Variants in TDRD9 observed in about 807,000 individuals in gnomAD.
TDRD9 encodes tudor domain containing 9.
A neutral mutation model predicts 172.6 loss-of-function variants in TDRD9; 124 were observed. The observed-to-expected ratio is 0.72, with a 90% CI of 0.62 to 0.83. The LOEUF is 0.83. Among genes scored for constraint, TDRD9 ranks in the 40% least tolerant of loss-of-function variants. TDRD9 has a pLI of 0.00. For missense variants in TDRD9, 1,479 were observed against 1,714.1 expected (o/e 0.86, Z 2.42); for synonymous variants, 619 against 617.1 (o/e 1.00, Z -0.05).
At chr14:103,962,288 T>C (rs2032545310) in intron 2 of TDRD9, among the ~76,000 whole-genome samples, 1 of 152,206 alleles carries the variant, frequency 6.6e-6, no homozygotes, top group Admixed American at 6.5e-5. Context: ...TGATGCATTC[T>C]GTTGAAATTT....
chr14:104,039,265 AG>A (rs1187437588), intron 32 of TDRD9, among the ~76,000 whole-genome samples: 2 of 152,226 alleles, frequency 1.3e-5, no homozygotes, highest in Non-Finnish European at 2.9e-5. Context: ...TGCCTTCCAG[AG>A]GGTCCCTCCC....
chr14:104,043,324 C>T (rs1190553950), intron 34 of TDRD9, among the ~76,000 whole-genome samples: 2 of 152,022 alleles, frequency 1.3e-5, no homozygotes, highest in African/African-American at 4.8e-5. Context: ...TCACTGCAAC[C>T]TCCACCTCCC....
intron 1 of TDRD9, among the ~76,000 whole-genome samples, chr14:103,931,577 A>G (rs986597808): frequency 2.0e-5 from 3 of 152,166 alleles, no homozygotes; most frequent in Admixed American, 6.5e-5. Flanking sequence ...TGATTCTTTC[A>G]TGATTTTGTA....
In TDRD9 at chr14:103,936,565, A is replaced by G. The variant is rs1031035919; in HGVS notation, c.215+7841A>G. Among the ~76,000 whole-genome samples, 10 of 152,368 alleles carry G rather than the reference A, an allele frequency of 6.6e-5. No homozygotes were observed. The South Asian group carries it at 1.9e-3, about 28-fold the overall frequency. On this transcript the variant is annotated intron_variant, in intron 1 of 35. Transcript: ENST00000409874. The stretch of plus-strand genomic sequence containing the variant: ...ATCAGAGTGTGTATATGGGTATACA[A>G]TCAAACAATAAAAATCACAATATCC...
Position 103,980,608 on chromosome 14 carries a change from G to A in TDRD9, c.1011+5055G>A, listed in dbSNP as rs1016109527. On this transcript the variant is annotated intron_variant, in intron 7 of 35. Coordinates refer to ENST00000409874, the MANE Select transcript of TDRD9 (RefSeq NM_153046.3). This position sits in a 1 kb window ranked among gnomAD's most constrained non-coding sequence, Gnocchi z 4.5. ...GACGGTTAGGCCTCCGGATAACTGC[G>A]GGCGGGCCTAACTGATGTCAAGCCC... Among the ~76,000 whole-genome samples, 10 of 152,094 alleles carry A rather than the reference G, an allele frequency of 6.6e-5. No individual in the cohort carries two copies. Among genetic ancestry groups the A allele is most frequent in the African/African-American group, 1.9e-4 (8 of 41,418 alleles).
chr14:103,987,495 A>G (rs2033714743), intron 8 of TDRD9, among the ~76,000 whole-genome samples: 1 of 151,116 alleles, frequency 6.6e-6, no homozygotes, highest in South Asian at 2.1e-4. Flanking sequence ...TTCCATTTTG[A>G]TTTTTTCTTT....
At chr14:104,030,715 A>G (rs1281561590) in intron 28 of TDRD9, among the ~76,000 whole-genome samples, 1 of 152,162 alleles carries the variant, frequency 6.6e-6, no homozygotes, top group Non-Finnish European at 1.5e-5. Context: ...ATTCTCAGTA[A>G]ACTATCGCAA....
chr14:103,968,508 C>T (rs1026403647), intron 5 of TDRD9, among the ~76,000 whole-genome samples: 3 of 151,872 alleles, frequency 2.0e-5, no homozygotes, highest in South Asian at 2.1e-4. Context: ...TAGCTTGGGC[C>T]GGGCACGGTG....
chr14:103,931,959 G>T (rs1169996335), intron 1 of TDRD9, among the ~76,000 whole-genome samples: 1 of 152,298 alleles, frequency 6.6e-6, no homozygotes, highest in African/African-American at 2.4e-5. Context: ...AGCAGGTAAG[G>T]AAATGGGTAC....
chr14:103,963,106 G>A lies in TDRD9; in HGVS notation c.350G>A (p.Ser117Asn), dbSNP rs768463139. The A allele has an allele frequency of 2.6e-6, 4 of 1,548,688 alleles. No individual in the cohort carries two copies. Among genetic ancestry groups the A allele is most frequent in the Non-Finnish European group, 3.5e-6 (4 of 1,145,738 alleles). The stretch of plus-strand genomic sequence containing the variant: ...CCAAGGCCATCTTTGGCTAAATTAA[G>A]CAGTGTGACATGCATCCCAGGGACA... ...PGPRPSLAKL[S>N]SVTCIPGTTY... The change falls in exon 3 of 36, where the codon AGC becomes AAC. Residue 117 changes from serine to asparagine, a missense_variant. Coordinates refer to ENST00000409874, the MANE Select transcript of TDRD9 (RefSeq NM_153046.3).
Position 104,017,661 on chromosome 14 carries a change from A to G in TDRD9, c.2332-431A>G, listed in dbSNP as rs566622010. Among the ~76,000 whole-genome samples, 7 of 152,342 alleles carry G rather than the reference A, an allele frequency of 4.6e-5. No homozygotes were observed. The South Asian group carries it at 1.2e-3, about 27-fold the overall frequency. ...TACATTAAAAGTCACTGCCAATTTG[A>G]TCATGTGCTATTTGGTCTTTCCACT... On this transcript the variant is annotated intron_variant, in intron 22 of 35. Coordinates refer to ENST00000409874, the MANE Select transcript of TDRD9 (RefSeq NM_153046.3).
chr14:104,004,252 G>A lies in TDRD9; in HGVS notation c.1498G>A (p.Val500Met). The A allele has an allele frequency of 6.3e-7, 1 of 1,585,112 alleles. No individual in the cohort carries two copies. Among genetic ancestry groups the A allele is most frequent in the Non-Finnish European group, 8.6e-7 (1 of 1,159,178 alleles). ...CTCCTTTGAAGGCCGTGCTGGACGA[G>A]TGTCTAGAGGGTACTGTTACCGGCT... ...CNQRKGRAGR[V>M]SRGYCYRLVH... Residue 500 changes from valine (V) to methionine (M), a missense_variant, in exon 14 of 36, where the codon GTG (valine) becomes ATG (methionine). Transcript: ENST00000409874.
chr14:103,956,258 T>G (rs1223388466), intron 2 of TDRD9, among the ~76,000 whole-genome samples: 2 of 148,060 alleles, frequency 1.4e-5, no homozygotes, highest in Non-Finnish European at 3.0e-5. Flanking sequence ...ACCAACAGGG[T>G]AAAACCCCGT....
At chr14:104,025,856 T>G in intron 26 of TDRD9, 80 bp downstream of exon 26, 1 of 1,246,424 alleles carries the variant, frequency 8.0e-7, no homozygotes, top group Non-Finnish European at 1.1e-6. Context: ...TCTTTTATAA[T>G]TGTAGGTGGA....
At chr14:103,944,400 A>T (rs958120545) in intron 1 of TDRD9, among the ~76,000 whole-genome samples, 29 of 151,966 alleles carry the variant, frequency 1.9e-4, no homozygotes, top group African/African-American at 7.0e-4. Flanking sequence ...TCTCTTTTTC[A>T]TGGACCAGCT....
At chr14:103,935,081 G>T (rs765909805) in intron 1 of TDRD9, among the ~76,000 whole-genome samples, 6 of 152,170 alleles carry the variant, frequency 3.9e-5, no homozygotes, top group Non-Finnish European at 7.3e-5. Context: ...ACTGACTTTG[G>T]ACTCGGACTG....
chr14:104,022,214 A>G lies in TDRD9; in HGVS notation c.2490A>G (p.Val830=), dbSNP rs377762410. ...AGAGATTTAAAACCCTTCCTGCAGT[A>G]TATATGGCAATTAAGATGTCTCAAC... is the stretch of plus-strand genomic sequence containing the variant. ...PTERFKTLPA[V]YMAIKMSQLK... is the part of the protein sequence containing the mutation. Residue 830 remains valine, a synonymous_variant, in exon 24 of 36, where the codon GTA becomes GTG. Transcript: ENST00000409874. 5 of 1,592,242 alleles carry G rather than the reference A, an allele frequency of 3.1e-6. No individual in the cohort carries two copies. Among genetic ancestry groups the G allele is most frequent in the African/African-American group, 1.3e-5 (1 of 74,606 alleles).
intron 9 of TDRD9, among the ~76,000 whole-genome samples, chr14:103,993,322 C>G (rs2033943122): frequency 6.6e-6 from 1 of 152,006 alleles, no homozygotes; most frequent in African/African-American, 2.4e-5. Flanking sequence ...CTAAACATTG[C>G]CTGAAGAAAA....
At chr14:103,967,515 AC>A (rs1391409416) in intron 5 of TDRD9, among the ~76,000 whole-genome samples, 2 of 152,118 alleles carry the variant, frequency 1.3e-5, no homozygotes, top group African/African-American at 4.8e-5. Context: ...ACAGAGTGAG[AC>A]TGCGTTGGAA....
Sources: allele counts gnomAD v4.1 joint callset (sites outside exome capture counted in the v4.1 genomes callset), GRCh38; gene constraint gnomAD v4.1.1; non-coding constraint Gnocchi (gnomAD v3.1); transcripts MANE v1.5; gene names NCBI Gene and HGNC (gene_info 2026-07-23, HGNC 2026-07-21).